AUTS2: variants seen among roughly 807,000 people sequenced by gnomAD.
AUTS2 encodes activator of transcription and developmental regulator AUTS2, also known as autism susceptibility gene 2 protein.
In AUTS2, 17 loss-of-function variants were observed where a neutral mutation model predicts 112.4. That is an observed-to-expected ratio of 0.15 (90% confidence interval 0.10 to 0.23). AUTS2 has a LOEUF of 0.23. Ranked by LOEUF, AUTS2 falls within the 10% of genes least tolerant of loss-of-function variation. The pLI is 1.00. For missense variants in AUTS2, 1,510 were observed against 1,701.6 expected, an observed-to-expected ratio of 0.89 and a Z score of 1.98; for synonymous variants, 751 against 702.7, an observed-to-expected ratio of 1.07 and a Z score of -1.09.
At chr7:70,605,382 GGA>G (rs1276975468) in intron 5 of AUTS2, among the ~76,000 whole-genome samples, 1 of 152,180 alleles carries the variant, frequency 6.6e-6, no homozygotes, top group African/African-American at 2.4e-5. Flanking sequence ...GACCAAGCCA[GGA>G]GGGACTGGAA....
intron 1 of AUTS2, among the ~76,000 whole-genome samples, chr7:69,826,525 T>C (rs1212416613): frequency 6.6e-6 from 1 of 152,238 alleles, no homozygotes; most frequent in East Asian, 1.9e-4. Flanking sequence ...TTGCATTGCA[T>C]GTGCTTGCTT....
chr7:69,677,502 A>G (rs1383356387), intron 1 of AUTS2, among the ~76,000 whole-genome samples: 1 of 152,200 alleles, frequency 6.6e-6, no homozygotes, highest in African/African-American at 2.4e-5. Flanking sequence ...AAAGTTGTTG[A>G]AGAGTGAGGA....
chr7:70,461,798 C>T (rs1312831223), intron 5 of AUTS2, among the ~76,000 whole-genome samples: 2 of 152,074 alleles, frequency 1.3e-5, no homozygotes, highest in Non-Finnish European at 2.9e-5. Flanking sequence ...TCTCAGGGTC[C>T]TCCGTGGCAC....
chr7:69,686,662 G>A (rs902803257), intron 1 of AUTS2, among the ~76,000 whole-genome samples: 1 of 152,102 alleles, frequency 6.6e-6, no homozygotes. Flanking sequence ...GCTGTATAAA[G>A]GCTTCTAAGA....
chr7:70,660,563 C>T (rs1210895395), intron 5 of AUTS2, among the ~76,000 whole-genome samples: 1 of 152,200 alleles, frequency 6.6e-6, no homozygotes, highest in Non-Finnish European at 1.5e-5. Flanking sequence ...GAGGAAGGCC[C>T]ACCCCTTCCT....
At chr7:70,089,364 A>T (rs7780640) in intron 2 of AUTS2, among the ~76,000 whole-genome samples, 1 of 151,846 alleles carries the variant, frequency 6.6e-6, no homozygotes, top group Non-Finnish European at 1.5e-5. Flanking sequence ...TGAATTGACT[A>T]CTTTATTATT....
At chr7:70,682,853 T>C (rs767818509) in intron 5 of AUTS2, among the ~76,000 whole-genome samples, 1 of 152,248 alleles carries the variant, frequency 6.6e-6, no homozygotes, top group Non-Finnish European at 1.5e-5. Flanking sequence ...TCAGGGGCTG[T>C]TGGCTGGGAA....
At chr7:70,675,095 C>G (rs1254384510) in intron 5 of AUTS2, among the ~76,000 whole-genome samples, 1 of 134,032 alleles carries the variant, frequency 7.5e-6, no homozygotes, top group African/African-American at 2.9e-5. Flanking sequence ...CAAATTAATC[C>G]TCCCCCCCCT....
intron 1 of AUTS2, among the ~76,000 whole-genome samples, chr7:69,630,836 G>A (rs892545487): frequency 6.6e-6 from 1 of 152,040 alleles, no homozygotes; most frequent in African/African-American, 2.4e-5. Flanking sequence ...ATTCTGAAGA[G>A]CACCCTAAGT....
chr7:70,744,877 G>A (rs376492263), intron 6 of AUTS2, among the ~76,000 whole-genome samples: 138 of 152,246 alleles, frequency 9.1e-4, no homozygotes, highest in African/African-American at 3.2e-3. Flanking sequence ...GCAGGCAAAG[G>A]AGCAGGGGAC....
chr7:69,720,888 G>A (rs1033897836), intron 1 of AUTS2, among the ~76,000 whole-genome samples: 6 of 152,124 alleles, frequency 3.9e-5, no homozygotes, highest in South Asian at 2.1e-4. Context: ...GGACAACAGC[G>A]TTTACTAGGT....
intron 5 of AUTS2, among the ~76,000 whole-genome samples, chr7:70,531,352 ATCC>A (rs1385718133): frequency 6.6e-6 from 1 of 152,200 alleles, no homozygotes; most frequent in African/African-American, 2.4e-5. Flanking sequence ...AGACAGCTAG[ATCC>A]TGTGCGTGAG....
At position 69,630,006 on chromosome 7, in the gene AUTS2, G is replaced by A. The variant is rs561070801; in HGVS notation, c.309+30044G>A. ...CATAATTTATACCCTTGAAGATGTT[G>A]CATGGCAATACCTTCTGGTGGGTGG... On this transcript the variant is annotated intron_variant, in intron 1 of 18. Coordinates refer to ENST00000342771, the MANE Select transcript of AUTS2 (RefSeq NM_015570.4). Among the ~76,000 whole-genome samples, 237 of 152,230 alleles carry A rather than the reference G, an allele frequency of 1.6e-3. 1 individual carries two copies. The highest frequency in any genetic ancestry group is 5.5e-3 in the African/African-American group (229 of 41,532).
At position 70,749,080 on chromosome 7, in the gene AUTS2, G is replaced by A. The variant is rs528985065; in HGVS notation, c.743-13790G>A. On this transcript the variant is annotated intron_variant, in intron 6 of 18. Coordinates refer to ENST00000342771, the MANE Select transcript of AUTS2 (RefSeq NM_015570.4). ...TGTTGCTGGCTTTCGTGAATATGTT[G>A]TTTTTGGGGGTAGCTCCTAATCTGG... Among the ~76,000 whole-genome samples the A allele has an allele frequency of 5.9e-5, 9 of 152,228 alleles. No homozygotes were observed. The East Asian group carries it at 1.4e-3, about 23-fold the overall frequency.
At chr7:70,648,958 A>G (rs1259016180) in intron 5 of AUTS2, among the ~76,000 whole-genome samples, 2 of 152,212 alleles carry the variant, frequency 1.3e-5, no homozygotes, top group Non-Finnish European at 2.9e-5. Context: ...ATCCCAGTAG[A>G]TGAAAGATTA....
At chr7:70,084,201 A>G (rs949337167) in intron 2 of AUTS2, among the ~76,000 whole-genome samples, 4 of 151,680 alleles carry the variant, frequency 2.6e-5, no homozygotes, top group Non-Finnish European at 4.4e-5. Flanking sequence ...TTTTTGGAGG[A>G]GGGGGGGTTC....
At chr7:70,203,309 C>A (rs1267082331) in intron 4 of AUTS2, among the ~76,000 whole-genome samples, 1 of 100,330 alleles carries the variant, frequency 1.0e-5, no homozygotes. Flanking sequence ...CTAACCTGCA[C>A]AATGTGCACA....
At chr7:70,289,126 A>C (rs1788595685) in intron 4 of AUTS2, among the ~76,000 whole-genome samples, 1 of 152,330 alleles carries the variant, frequency 6.6e-6, no homozygotes, top group African/African-American at 2.4e-5. Flanking sequence ...ATTGAAAAGA[A>C]GCTTAATATA....
At chr7:69,635,920 A>C (rs758638293) in intron 1 of AUTS2, among the ~76,000 whole-genome samples, 8 of 152,236 alleles carry the variant, frequency 5.3e-5, no homozygotes, top group African/African-American at 1.9e-4. Flanking sequence ...TTAATTTACA[A>C]CTAGCTCAAT....
Sources: allele counts gnomAD v4.1 joint callset (sites outside exome capture counted in the v4.1 genomes callset), GRCh38; gene constraint gnomAD v4.1.1; transcripts MANE v1.5; gene names NCBI Gene and HGNC (gene_info 2026-07-23, HGNC 2026-07-21).